Variants in MAP2 observed in about 807,000 individuals in gnomAD.
MAP2 encodes the protein microtubule-associated protein 2.
In MAP2, 14 loss-of-function variants were observed where a neutral mutation model predicts 137.6. The ratio of observed to expected loss-of-function variants is 0.10; its 90% CI spans 0.07 to 0.16. The LOEUF (loss-of-function observed/expected upper bound fraction) is 0.16, where lower values mean the gene tolerates loss of function less well. Among genes scored for constraint, MAP2 ranks in the 10% least tolerant of loss-of-function variants. MAP2 has a pLI of 1.00. For synonymous variants in MAP2, 786 were observed against 782.3 expected (o/e 1.00, Z -0.08); for missense variants, 2,088 against 2,191.5 (o/e 0.95, Z 0.94).
At chr2:209,712,044 T>G (rs941028784) in intron 13 of MAP2, among the ~76,000 whole-genome samples, 5 of 152,074 alleles carry the variant, frequency 3.3e-5, no homozygotes, top group African/African-American at 9.7e-5. Context: ...TTATTTTAAG[T>G]TGACATAGAA....
rs146725816 is a variant in MAP2 at position 209,640,789 on chromosome 2, G to A, written c.-29-12353G>A. ...CTTTATTCTTCCTCTGTCTTAAATA[G>A]CCAAAAAGCCGATCCCACTCATAGA... On this transcript the variant is annotated intron_variant, in intron 4 of 15. Coordinates refer to ENST00000682079, the MANE Select transcript of MAP2 (RefSeq NM_001375505.1). 8.6e-3 allele frequency among the ~76,000 whole-genome samples: 1,305 copies of A among 151,584 alleles called. 6 individuals carry two copies. The highest frequency in any genetic ancestry group is 0.012 in the Non-Finnish European group (791 of 67,926).
intron 2 of MAP2, among the ~76,000 whole-genome samples, chr2:209,541,882 ATTAAG>A (rs148364035): frequency 0.016 from 2,378 of 152,322 alleles, 66 homozygotes; most frequent in African/African-American, 0.054. Flanking sequence ...GAGAGTTGGA[ATTAAG>A]TTAATACTTC....
At chr2:209,652,902 A>C (rs2153610019) in intron 4 of MAP2, among the ~76,000 whole-genome samples, 1 of 152,314 alleles carries the variant, frequency 6.6e-6, no homozygotes, top group East Asian at 1.9e-4. Flanking sequence ...TGTTTACAAA[A>C]AGGAATATGT....
intron 12 of MAP2, among the ~76,000 whole-genome samples, chr2:209,706,443 T>C (rs1456556374): frequency 1.3e-5 from 2 of 152,078 alleles, no homozygotes; most frequent in Non-Finnish European, 2.9e-5. Flanking sequence ...TTCACTAATT[T>C]AATTAGCAAG....
intron 5 of MAP2, among the ~76,000 whole-genome samples, chr2:209,674,101 G>T (rs187539360): frequency 1.1e-4 from 17 of 151,412 alleles, no homozygotes; most frequent in African/African-American, 4.1e-4. Flanking sequence ...TCATATCTTT[G>T]CCTTGGAAAA....
intron 3 of MAP2, among the ~76,000 whole-genome samples, chr2:209,583,357 A>G (rs186927548): frequency 1.6e-4 from 24 of 152,266 alleles, no homozygotes; most frequent in Admixed American, 1.6e-3. Flanking sequence ...ATGTATTCAT[A>G]AAGCATTTTC....
chr2:209,447,943 C>T (rs1478083846), intron 1 of MAP2, among the ~76,000 whole-genome samples: 1 of 152,058 alleles, frequency 6.6e-6, no homozygotes, highest in Non-Finnish European at 1.5e-5. Flanking sequence ...AGTATGGTCC[C>T]TGGACTAAGA....
intron 1 of MAP2, among the ~76,000 whole-genome samples, chr2:209,476,980 C>A (rs1392452583): frequency 6.6e-6 from 1 of 152,032 alleles, no homozygotes; most frequent in East Asian, 1.9e-4. Flanking sequence ...AGCTATTTTT[C>A]TTTTTAAACA....
intron 2 of MAP2, among the ~76,000 whole-genome samples, chr2:209,556,368 T>C (rs1038905643): frequency 6.6e-6 from 1 of 152,148 alleles, no homozygotes; most frequent in African/African-American, 2.4e-5. Context: ...TTTTGAAGAT[T>C]TGTGGTTCTA....
At chr2:209,490,917 C>T (rs1035907823) in intron 1 of MAP2, among the ~76,000 whole-genome samples, 3 of 152,108 alleles carry the variant, frequency 2.0e-5, no homozygotes, top group Admixed American at 2.0e-4. Flanking sequence ...CAAGGATATT[C>T]AGGACTTGAA....
intron 2 of MAP2, among the ~76,000 whole-genome samples, chr2:209,511,551 G>T (rs56752521): frequency 6.6e-6 from 1 of 152,056 alleles, no homozygotes; most frequent in Non-Finnish European, 1.5e-5. Context: ...TTGGTGCTTA[G>T]AATTCTTAAA....
intron 5 of MAP2, among the ~76,000 whole-genome samples, chr2:209,672,944 T>C (rs2049516222): frequency 6.6e-6 from 1 of 151,844 alleles, no homozygotes; most frequent in African/African-American, 2.4e-5. Flanking sequence ...CTCCTGTATG[T>C]GTTTCCACCA....
intron 13 of MAP2, among the ~76,000 whole-genome samples, chr2:209,724,946 AAAGT>A (rs772785607): frequency 6.6e-6 from 1 of 152,230 alleles, no homozygotes; most frequent in Non-Finnish European, 1.5e-5. Flanking sequence ...TAAAGATCTT[AAAGT>A]AAGTAGAGGA....
chr2:209,497,404 T>C (rs1263768274), intron 1 of MAP2, among the ~76,000 whole-genome samples: 1 of 152,226 alleles, frequency 6.6e-6, no homozygotes, highest in Non-Finnish European at 1.5e-5. Flanking sequence ...CATGTTGGCA[T>C]GTGATCTCAC....
At position 209,666,875 on chromosome 2, in the gene MAP2, G is replaced by A. The variant is rs1221446920; in HGVS notation, c.263-11697G>A. Among the ~76,000 whole-genome samples, 4 of 151,242 alleles carry A rather than the reference G, an allele frequency of 2.6e-5. No individual in the cohort carries two copies. In the East Asian group the frequency reaches 5.8e-4, roughly 22 times the overall value. ...TTTTTAAAGTAAATTTTATAATATCGAGCATTTTTTCAATTCTAACTAGAA... is the reference window on the plus strand; with the variant it reads ...TTTTTAAAGTAAATTTTATAATATCAAGCATTTTTTCAATTCTAACTAGAA... On this transcript the variant is annotated intron_variant, in intron 5 of 15. Transcript: ENST00000682079.
chr2:209,509,230 T>C (rs1308940489), intron 2 of MAP2, among the ~76,000 whole-genome samples: 1 of 151,992 alleles, frequency 6.6e-6, no homozygotes, highest in African/African-American at 2.4e-5. Flanking sequence ...GAAAAAAGAT[T>C]TTTGTTAGAC....
At chr2:209,705,411 ACTCTTT>A (rs1352353216) in intron 11 of MAP2, 163 bp from the exon 12 acceptor site, 1 of 447,278 alleles carries the variant, frequency 2.2e-6, no homozygotes, top group African/African-American at 2.0e-5. Context: ...GCAAATATGC[ACTCTTT>A]CTAAGTTATA....
intron 1 of MAP2, among the ~76,000 whole-genome samples, chr2:209,446,038 G>A (rs1361612006): frequency 6.6e-6 from 1 of 151,630 alleles, no homozygotes; most frequent in African/African-American, 2.4e-5. Context: ...AAATATTTGG[G>A]TTTTGGGGGT....
intron 3 of MAP2, among the ~76,000 whole-genome samples, chr2:209,594,054 G>A (rs887186957): frequency 2.1e-5 from 3 of 144,222 alleles, no homozygotes; most frequent in African/African-American, 7.8e-5. Flanking sequence ...AGGCTGATAC[G>A]AGAGGATCAC....
Sources: gnomAD v4.1 joint callset for allele counts (sites outside exome capture counted in the v4.1 genomes callset) on GRCh38, gnomAD v4.1.1 for gene constraint, MANE v1.5 for transcripts, NCBI Gene and HGNC (gene_info 2026-07-23, HGNC 2026-07-21) for gene names.